The following ARHGAP25 variants were observed in gnomAD, a reference collection of about 807,000 sequenced individuals.
The protein encoded by ARHGAP25 is rho GTPase-activating protein 25.
A neutral mutation model predicts 71.0 loss-of-function variants in ARHGAP25; 34 were observed. The ratio of observed to expected loss-of-function variants is 0.48; its 90% CI spans 0.36 to 0.64. The LOEUF is 0.64. ARHGAP25 is among the 30% of genes least tolerant of loss of function. The pLI, the probability that ARHGAP25 is intolerant of heterozygous loss-of-function variation, is 0.00. For synonymous variants in ARHGAP25, 282 were observed against 296.5 expected, an observed-to-expected ratio of 0.95 and a Z score of 0.50; for missense variants, 706 against 805.1, an observed-to-expected ratio of 0.88 and a Z score of 1.49.
intron 1 of ARHGAP25, among the ~76,000 whole-genome samples, chr2:68,756,523 A>G (rs547201003): frequency 1.8e-4 from 28 of 152,328 alleles, no homozygotes; most frequent in South Asian, 6.2e-4. Flanking sequence ...GACATTCAAA[A>G]GCAACCACAT....
At chr2:68,775,064 G>T (rs1237786816) in intron 1 of ARHGAP25, 157 bp from the exon 2 acceptor site, 2 of 1,532,794 alleles carry the variant, frequency 1.3e-6, no homozygotes, top group Non-Finnish European at 1.7e-6. Flanking sequence ...TGGCTCGGGG[G>T]GGACTTTCTC....
chr2:68,729,466 C>T (rs554794762), intron 2 of ARHGAP25, among the ~76,000 whole-genome samples: 2 of 152,256 alleles, frequency 1.3e-5, no homozygotes, highest in East Asian at 3.9e-4. Context: ...AAGAAACTCC[C>T]CCTGCACTGA....
intron 1 of ARHGAP25, among the ~76,000 whole-genome samples, chr2:68,773,868 A>T (rs547564874): frequency 6.6e-6 from 1 of 152,184 alleles, no homozygotes; most frequent in South Asian, 2.1e-4. Flanking sequence ...GGACTGTGCT[A>T]AGTGGTTTGC....
intron 1 of ARHGAP25, among the ~76,000 whole-genome samples, chr2:68,741,714 C>T (rs955509819): frequency 2.6e-5 from 4 of 152,138 alleles, no homozygotes; most frequent in Admixed American, 2.0e-4. Context: ...CTTCAGATTT[C>T]CTACTTTTTA....
intron 4 of ARHGAP25, among the ~76,000 whole-genome samples, chr2:68,806,645 G>A (rs947497875): frequency 1.8e-4 from 28 of 152,238 alleles, no homozygotes; most frequent in Non-Finnish European, 3.4e-4. Context: ...GGGACCGCGA[G>A]AGATTTCATC....
intron 2 of ARHGAP25, among the ~76,000 whole-genome samples, chr2:68,719,413 A>G: frequency 6.7e-6 from 1 of 149,906 alleles, no homozygotes; most frequent in East Asian, 2.0e-4. Flanking sequence ...GGTATCAGGG[A>G]ATTGGTCGAC....
chr2:68,822,300 T>G (rs1478890443), intron 9 of ARHGAP25, 40 bp from the exon 10 acceptor site: 2 of 1,581,298 alleles, frequency 1.3e-6, no homozygotes, highest in African/African-American at 2.7e-5. Context: ...CACACAGAGG[T>G]GAAAACCCCA....
chr2:68,736,015 A>G (rs999643546), intron 1 of ARHGAP25, among the ~76,000 whole-genome samples: 3 of 152,234 alleles, frequency 2.0e-5, no homozygotes, highest in Non-Finnish European at 4.4e-5. Context: ...AGTAATTCAC[A>G]TCAGAGCAAT....
At chr2:68,747,795 C>T (rs890665190) in intron 1 of ARHGAP25, among the ~76,000 whole-genome samples, 1 of 152,148 alleles carries the variant, frequency 6.6e-6, no homozygotes, top group Non-Finnish European at 1.5e-5. Flanking sequence ...TTCATGTTTT[C>T]CCCTTCCACT....
intron 10 of ARHGAP25, among the ~76,000 whole-genome samples, chr2:68,825,233 A>C (rs1433554246): frequency 1.3e-5 from 2 of 152,160 alleles, no homozygotes; most frequent in African/African-American, 4.8e-5. Context: ...TTAATAAGAA[A>C]GGGTGCTGAT....
At chr2:68,737,646 C>A (rs1675290137) in intron 1 of ARHGAP25, among the ~76,000 whole-genome samples, 1 of 152,126 alleles carries the variant, frequency 6.6e-6, no homozygotes, top group South Asian at 2.1e-4. Flanking sequence ...AATATAAGGT[C>A]ATTTGGGACT....
At chr2:68,738,565 A>C (rs79311388) in intron 1 of ARHGAP25, among the ~76,000 whole-genome samples, 1 of 152,192 alleles carries the variant, frequency 6.6e-6, no homozygotes, top group Admixed American at 6.5e-5. Flanking sequence ...GCTGTGCCCA[A>C]AGTATTTGCT....
At chr2:68,769,902 G>T (rs781301316) in intron 1 of ARHGAP25, among the ~76,000 whole-genome samples, 2 of 152,176 alleles carry the variant, frequency 1.3e-5, no homozygotes, top group Non-Finnish European at 2.9e-5. Context: ...AGAAAAAGCC[G>T]CAAAGGACTC....
Position 68,745,983 on chromosome 2 carries a change from A to G in ARHGAP25, c.61+10723A>G, listed in dbSNP as rs368045107. Reference sequence around the variant, plus strand: ...TTCAAGCCCTTTTACGAGGATCTTAATACCATCCATCAGAGCAGAGCTGTC... The same window carrying G: ...TTCAAGCCCTTTTACGAGGATCTTAGTACCATCCATCAGAGCAGAGCTGTC... On this transcript the variant is annotated intron_variant, in intron 1 of 10. Transcript: ENST00000409202. Among the ~76,000 whole-genome samples the G allele has an allele frequency of 3.5e-4, 53 of 152,270 alleles. 1 individual carries two copies. In the South Asian group the frequency reaches 0.011, roughly 30 times the overall value.
intron 1 of ARHGAP25, among the ~76,000 whole-genome samples, chr2:68,765,015 C>A (rs1677040223): frequency 6.6e-6 from 1 of 152,164 alleles, no homozygotes; most frequent in Non-Finnish European, 1.5e-5. Flanking sequence ...ACCTAGAATT[C>A]TAGGTGGTCA....
intron 1 of ARHGAP25, among the ~76,000 whole-genome samples, chr2:68,772,905 T>A (rs1239129389): frequency 6.6e-6 from 1 of 152,228 alleles, no homozygotes; most frequent in Non-Finnish European, 1.5e-5. Context: ...CAAATTGTCA[T>A]CAAAATATCA....
intron 4 of ARHGAP25, among the ~76,000 whole-genome samples, chr2:68,800,417 G>C (rs1230272016): frequency 6.6e-6 from 1 of 152,160 alleles, no homozygotes; most frequent in African/African-American, 2.4e-5. Flanking sequence ...GGTGGAGATG[G>C]ATTGTGGGGA....
intron 1 of ARHGAP25, among the ~76,000 whole-genome samples, chr2:68,750,755 T>C (rs1676121118): frequency 6.6e-6 from 1 of 152,178 alleles, no homozygotes; most frequent in Non-Finnish European, 1.5e-5. Context: ...CCGGACTGTC[T>C]GTGATTCTGC....
intron 1 of ARHGAP25, among the ~76,000 whole-genome samples, chr2:68,774,357 AG>A (rs1677683680): frequency 6.6e-6 from 1 of 152,142 alleles, no homozygotes; most frequent in Non-Finnish European, 1.5e-5. Context: ...CAAGATGTGG[AG>A]GTACAGGCTG....
Sources: allele counts gnomAD v4.1 joint callset (sites outside exome capture counted in the v4.1 genomes callset), GRCh38; gene constraint gnomAD v4.1.1; transcripts MANE v1.5; gene names NCBI Gene and HGNC (gene_info 2026-07-23, HGNC 2026-07-21).